LSAMP: variants seen among roughly 807,000 people sequenced by gnomAD.
LSAMP encodes limbic system-associated membrane protein.
LSAMP carries 7 observed loss-of-function variants against 38.6 expected under a neutral mutation model. The ratio of observed to expected loss-of-function variants is 0.18; its 90% confidence interval spans 0.10 to 0.34. The LOEUF (loss-of-function observed/expected upper bound fraction) is 0.34, where lower values mean the gene tolerates loss of function less well. LSAMP is among the 10% of genes least tolerant of loss of function. The pLI is 1.00. For missense variants in LSAMP, 313 were observed against 420.0 expected (o/e 0.75, Z 2.23); for synonymous variants, 154 against 166.8 (o/e 0.92, Z 0.59).
At chr3:116,088,748 TG>T (rs1347852529) in intron 1 of LSAMP, among the ~76,000 whole-genome samples, 2 of 152,226 alleles carry the variant, frequency 1.3e-5, no homozygotes, top group Non-Finnish European at 2.9e-5. Flanking sequence ...GCACCAAATA[TG>T]GCTCCAATCT....
chr3:115,884,819 A>G, intron 3 of LSAMP, among the ~76,000 whole-genome samples: 1 of 152,096 alleles, frequency 6.6e-6, no homozygotes, highest in Non-Finnish European at 1.5e-5. Flanking sequence ...AACATAAAAA[A>G]GAATAAACAC....
chr3:115,904,618 C>G (rs1936963559), intron 3 of LSAMP, among the ~76,000 whole-genome samples: 1 of 152,138 alleles, frequency 6.6e-6, no homozygotes, highest in Non-Finnish European at 1.5e-5. Context: ...TCTCCCAGAT[C>G]TACCCTTCAC....
chr3:115,876,397 A>T (rs1264166078), intron 3 of LSAMP, among the ~76,000 whole-genome samples: 1 of 151,580 alleles, frequency 6.6e-6, no homozygotes, highest in Admixed American at 6.6e-5. Context: ...CCAGTAATGC[A>T]TTCAGACTCA....
At chr3:116,223,711 A>C (rs1309595327) in intron 1 of LSAMP, among the ~76,000 whole-genome samples, 3 of 152,186 alleles carry the variant, frequency 2.0e-5, no homozygotes, top group African/African-American at 7.2e-5. Context: ...ACTATAGTAC[A>C]TTTGTTTAAT....
intron 3 of LSAMP, among the ~76,000 whole-genome samples, chr3:115,959,014 T>C (rs1018722499): frequency 1.3e-5 from 2 of 152,136 alleles, no homozygotes; most frequent in African/African-American, 2.4e-5. Flanking sequence ...TAAATGTCAG[T>C]TCCTTCTCCT....
intron 1 of LSAMP, among the ~76,000 whole-genome samples, chr3:116,353,347 G>A (rs1393442886): frequency 6.6e-6 from 1 of 151,768 alleles, no homozygotes; most frequent in African/African-American, 2.4e-5. Context: ...TTCTGCACAA[G>A]AGTTATAGTT....
intron 1 of LSAMP, among the ~76,000 whole-genome samples, chr3:116,432,150 T>C (rs922213436): frequency 9.2e-5 from 14 of 151,898 alleles, no homozygotes; most frequent in African/African-American, 3.4e-4. Flanking sequence ...TCTGTTTACA[T>C]GCTTGATACC....
At chr3:116,277,325 A>G (rs2047068588) in intron 1 of LSAMP, among the ~76,000 whole-genome samples, 1 of 152,056 alleles carries the variant, frequency 6.6e-6, no homozygotes, top group South Asian at 2.1e-4. Flanking sequence ...TTTGGTCCTA[A>G]TAATTGTTCA....
intron 3 of LSAMP, among the ~76,000 whole-genome samples, chr3:116,009,965 G>A (rs530619461): frequency 6.6e-6 from 1 of 152,252 alleles, no homozygotes; most frequent in African/African-American, 2.4e-5. Flanking sequence ...CACCCAGGCT[G>A]GAGTGCAGTG....
intron 1 of LSAMP, among the ~76,000 whole-genome samples, chr3:116,405,713 G>C (rs1411697417): frequency 6.6e-6 from 1 of 152,076 alleles, no homozygotes; most frequent in Admixed American, 6.6e-5. Context: ...GATCTATAAG[G>C]CTCATTAGAG....
intron 1 of LSAMP, among the ~76,000 whole-genome samples, chr3:116,340,057 C>T (rs2047972209): frequency 6.6e-6 from 1 of 152,020 alleles, no homozygotes; most frequent in Non-Finnish European, 1.5e-5. Flanking sequence ...GTTTGCAAGG[C>T]ATTGGGAACA....
chr3:116,310,672 G>A (rs1485868766), intron 1 of LSAMP, among the ~76,000 whole-genome samples: 2 of 151,978 alleles, frequency 1.3e-5, no homozygotes, highest in African/African-American at 4.8e-5. Flanking sequence ...GTCTCCCAAC[G>A]AAAGAAAAAT....
intron 1 of LSAMP, among the ~76,000 whole-genome samples, chr3:116,426,188 A>C (rs574038790): frequency 6.6e-6 from 1 of 152,328 alleles, no homozygotes; most frequent in African/African-American, 2.4e-5. Context: ...ACCAGAAAGT[A>C]AGAACTCAAC....
At chr3:116,249,937 T>C (rs2046657667) in intron 1 of LSAMP, among the ~76,000 whole-genome samples, 1 of 152,206 alleles carries the variant, frequency 6.6e-6, no homozygotes, top group Non-Finnish European at 1.5e-5. Flanking sequence ...AAGAGCATTA[T>C]CTCATTTATT....
intron 1 of LSAMP, among the ~76,000 whole-genome samples, chr3:116,305,058 T>C (rs945928379): frequency 6.6e-6 from 1 of 152,124 alleles, no homozygotes; most frequent in African/African-American, 2.4e-5. Context: ...TATAGCAAGT[T>C]TGTCTTTTAA....
intron 3 of LSAMP, among the ~76,000 whole-genome samples, chr3:115,922,070 A>G (rs1937394951): frequency 6.6e-6 from 1 of 152,052 alleles, no homozygotes; most frequent in South Asian, 2.1e-4. Flanking sequence ...ATTTCTTTGA[A>G]TTTATCTTAG....
chr3:116,075,838 G>C (rs1392517875), intron 2 of LSAMP, among the ~76,000 whole-genome samples: 1 of 152,146 alleles, frequency 6.6e-6, no homozygotes, highest in Non-Finnish European at 1.5e-5. Context: ...ACCGTGTCCA[G>C]CCTCTAGAGT....
At chr3:116,326,405 T>C (rs1444913165) in intron 1 of LSAMP, among the ~76,000 whole-genome samples, 1 of 152,178 alleles carries the variant, frequency 6.6e-6, no homozygotes, top group Non-Finnish European at 1.5e-5. Context: ...TTGAACAGGC[T>C]GAACACAACC....
chr3:115,841,963 C>T lies in LSAMP; in HGVS notation c.801G>A (p.Lys267=), dbSNP rs1422828920. 6.2e-7 allele frequency: 1 copy of T among 1,613,490 alleles called. No individual in the cohort carries two copies. The highest frequency in any genetic ancestry group is 1.7e-5 in the Admixed American group (1 of 59,962). Residue 267 remains lysine, a synonymous_variant, in exon 6 of 7, where the codon AAG becomes AAA. Coordinates refer to ENST00000490035, the MANE Select transcript of LSAMP (RefSeq NM_002338.5). ...TCAGGGAAGACTGGCCCTCCGTGCTCTTAATCTCAAGGCCATTGGCACTAT... is the reference window on the plus strand; with the variant it reads ...TCAGGGAAGACTGGCCCTCCGTGCTTTTAATCTCAAGGCCATTGGCACTAT... ...RINSANGLEI[K]STEGQSSLTV...
Sources: allele counts gnomAD v4.1 joint callset (sites outside exome capture counted in the v4.1 genomes callset), GRCh38; gene constraint gnomAD v4.1.1; transcripts MANE v1.5; gene names NCBI Gene and HGNC (gene_info 2026-07-23, HGNC 2026-07-21).